Variants in ZNF385D observed in about 807,000 individuals in gnomAD.
The protein encoded by ZNF385D is zinc finger protein 659.
ZNF385D carries 15 observed loss-of-function variants against 35.8 expected under a neutral mutation model. That is an observed-to-expected ratio of 0.42 (90% CI 0.28 to 0.64). The LOEUF is 0.64. Among genes scored for constraint, ZNF385D ranks in the 30% least tolerant of loss-of-function variants. ZNF385D has a pLI of 0.23. For missense variants in ZNF385D, 474 were observed against 494.6 expected, an observed-to-expected ratio of 0.96 and a Z score of 0.39; for synonymous variants, 212 against 186.8, an observed-to-expected ratio of 1.13 and a Z score of -1.10.
At chr3:22,289,969 C>T (rs746722289) in intron 2 of ZNF385D, among the ~76,000 whole-genome samples, 1 of 152,078 alleles carries the variant, frequency 6.6e-6, no homozygotes, top group Non-Finnish European at 1.5e-5. Flanking sequence ...GGAAAAAAAC[C>T]CTCTATGGAA....
chr3:21,969,000 G>C (rs564917230), intron 3 of ZNF385D, among the ~76,000 whole-genome samples: 1 of 152,276 alleles, frequency 6.6e-6, no homozygotes, highest in East Asian at 1.9e-4. Flanking sequence ...TCTCCTGAGA[G>C]ACACAGATCT....
At chr3:22,138,790 T>C (rs1328375390) in intron 3 of ZNF385D, among the ~76,000 whole-genome samples, 1 of 152,010 alleles carries the variant, frequency 6.6e-6, no homozygotes, top group African/African-American at 2.4e-5. Flanking sequence ...CCAAAAGCAA[T>C]GGCAACAAAA....
intron 5 of ZNF385D, among the ~76,000 whole-genome samples, chr3:21,436,517 T>G (rs1828082): frequency 0.026 from 3,924 of 152,278 alleles, 141 homozygotes; most frequent in Admixed American, 0.09. Flanking sequence ...GTTCCATAGA[T>G]TTAGCCCAAA....
intron 3 of ZNF385D, among the ~76,000 whole-genome samples, chr3:21,979,196 G>A (rs540352642): frequency 6.6e-6 from 1 of 151,982 alleles, no homozygotes; most frequent in Non-Finnish European, 1.5e-5. Flanking sequence ...TAAAAAGGAG[G>A]ATATGGGGGA....
intron 4 of ZNF385D, among the ~76,000 whole-genome samples, chr3:21,478,221 A>C (rs1340401285): frequency 1.3e-5 from 2 of 152,246 alleles, no homozygotes; most frequent in African/African-American, 4.8e-5. Context: ...TTATATAAAC[A>C]AATATTTGTC....
intron 2 of ZNF385D, among the ~76,000 whole-genome samples, chr3:22,293,181 A>T (rs1559503064): frequency 1.3e-5 from 2 of 152,112 alleles, no homozygotes; most frequent in Non-Finnish European, 2.9e-5. Context: ...AATCCTAGTT[A>T]TTATATTATT....
intron 3 of ZNF385D, among the ~76,000 whole-genome samples, chr3:22,082,832 C>T (rs1415232573): frequency 3.3e-5 from 5 of 152,122 alleles, no homozygotes; most frequent in African/African-American, 9.7e-5. Context: ...CAGCAAGATG[C>T]CCCTCTGAGA....
intron 2 of ZNF385D, among the ~76,000 whole-genome samples, chr3:22,175,458 GA>G (rs71618885): frequency 4.8e-5 from 7 of 144,604 alleles, no homozygotes; most frequent in South Asian, 2.6e-4. Flanking sequence ...GAAAAAATGA[GA>G]AAAAAAAAGC....
intron 3 of ZNF385D, among the ~76,000 whole-genome samples, chr3:21,917,450 G>C (rs67108462): frequency 0.54 from 81,355 of 151,968 alleles, 23,839 homozygotes; most frequent in South Asian, 0.66. Context: ...CACCTTAAGG[G>C]TCTACCATTT....
At chr3:21,607,253 T>C (rs780975830) in intron 2 of ZNF385D, among the ~76,000 whole-genome samples, 1 of 152,146 alleles carries the variant, frequency 6.6e-6, no homozygotes, top group Non-Finnish European at 1.5e-5. Flanking sequence ...GATGGATCTT[T>C]ATTGTTTAGT....
chr3:21,776,923 G>T (rs923114416), intron 3 of ZNF385D, among the ~76,000 whole-genome samples: 1 of 151,888 alleles, frequency 6.6e-6, no homozygotes, highest in Non-Finnish European at 1.5e-5. Flanking sequence ...AAAGTTCCCA[G>T]TTCTCTCCCC....
intron 1 of ZNF385D, among the ~76,000 whole-genome samples, chr3:21,725,763 C>A (rs1000616403): frequency 3.2e-4 from 49 of 152,278 alleles, no homozygotes; most frequent in African/African-American, 1.1e-3. Context: ...CAAACAGTAG[C>A]TGGTACCATT....
At chr3:21,789,599 C>T (rs76239183) in intron 3 of ZNF385D, among the ~76,000 whole-genome samples, 1 of 152,058 alleles carries the variant, frequency 6.6e-6, no homozygotes, top group Non-Finnish European at 1.5e-5. Flanking sequence ...CTTTTAACTG[C>T]CTTACTGCAA....
In ZNF385D at chr3:21,561,599, T is replaced by G. The variant is rs939388137; in HGVS notation, c.276+2975A>C. On this transcript the variant is annotated intron_variant, in intron 3 of 7. Coordinates refer to ENST00000281523, the MANE Select transcript of ZNF385D (RefSeq NM_024697.3). The stretch of plus-strand genomic sequence containing the variant: ...TGGAGCTGTTTCTATTTGGCCAGCT[T>G]GCCAGCAACTGGCCATTGTAGGGTT... Among the ~76,000 whole-genome samples the G allele has an allele frequency of 3.3e-5, 5 of 152,200 alleles. No homozygotes were observed. In the South Asian group the frequency reaches 6.2e-4, roughly 19 times the overall value.
chr3:21,933,325 C>A (rs1222840862), intron 3 of ZNF385D, among the ~76,000 whole-genome samples: 3 of 152,180 alleles, frequency 2.0e-5, no homozygotes, highest in Non-Finnish European at 4.4e-5. Flanking sequence ...GAAGAAATTT[C>A]TCTGACTTTG....
At chr3:22,004,607 A>G (rs2125421867) in intron 3 of ZNF385D, among the ~76,000 whole-genome samples, 1 of 152,310 alleles carries the variant, frequency 6.6e-6, no homozygotes, top group African/African-American at 2.4e-5. Context: ...CTATTCCTAG[A>G]AATGATAGCT....
In ZNF385D at chr3:21,836,703, T is replaced by C. The variant is rs564100472; in HGVS notation, c.326-171675A>G. Reference sequence around the variant, plus strand: ...CTGTGTTCTCATAAAACTTTACTTATAGACACTAAGATTTGAATTTTATAT... The same window carrying C: ...CTGTGTTCTCATAAAACTTTACTTACAGACACTAAGATTTGAATTTTATAT... On this transcript the variant is annotated intron_variant, in intron 3 of 5. Transcript: ENST00000494108. 1.2e-4 allele frequency among the ~76,000 whole-genome samples: 19 copies of C among 152,266 alleles called. 1 individual carries two copies. Among genetic ancestry groups the C allele is most frequent in the Admixed American group, 5.2e-4 (8 of 15,276 alleles).
intron 2 of ZNF385D, among the ~76,000 whole-genome samples, chr3:22,253,013 C>A (rs1377930247): frequency 6.6e-6 from 1 of 152,040 alleles, no homozygotes; most frequent in Non-Finnish European, 1.5e-5. Flanking sequence ...TGTGCAGGCA[C>A]AGTGTTAACC....
upstream of ZNF385D, among the ~76,000 whole-genome samples, chr3:21,753,586 A>T (rs2070200499): frequency 6.6e-6 from 1 of 152,218 alleles, no homozygotes. Context: ...TTTAAATTAA[A>T]GATATGTGCC....
Sources: gnomAD v4.1 joint callset for allele counts (sites outside exome capture counted in the v4.1 genomes callset) on GRCh38, gnomAD v4.1.1 for gene constraint, MANE v1.5 for transcripts, NCBI Gene and HGNC (gene_info 2026-07-23, HGNC 2026-07-21) for gene names.